SEC14L6: variants seen among roughly 807,000 people sequenced by gnomAD.
The protein encoded by SEC14L6 is SEC14-like protein 6.
In SEC14L6, 40 loss-of-function variants were observed where a neutral mutation model predicts 54.1. The observed-to-expected ratio is 0.74, with a 90% confidence interval of 0.57 to 0.96. The LOEUF (loss-of-function observed/expected upper bound fraction) is 0.96. SEC14L6 is among the 40% of genes least tolerant of loss of function. The pLI is 0.00. For synonymous variants in SEC14L6, 171 were observed against 198.4 expected, an observed-to-expected ratio of 0.86 and a Z score of 1.16; for missense variants, 471 against 498.3, an observed-to-expected ratio of 0.95 and a Z score of 0.52.
chr22:30,539,992 G>A (rs1174447393), intron 1 of SEC14L6, among the ~76,000 whole-genome samples: 1 of 152,224 alleles, frequency 6.6e-6, no homozygotes, highest in Non-Finnish European at 1.5e-5. Flanking sequence ...ACCGGACAAA[G>A]AGTCAGCAGG....
intron 1 of SEC14L6, among the ~76,000 whole-genome samples, chr22:30,545,797 T>C (rs758120375): frequency 1.6e-4 from 25 of 152,084 alleles, no homozygotes; most frequent in Admixed American, 5.9e-4. Context: ...ATTGTTTCTT[T>C]TTAGGTTTTT....
At position 30,524,827 on chromosome 22, in the gene SEC14L6, C is replaced by G. The variant is rs1190734762; in HGVS notation, c.*170G>C. Reference sequence around the variant, plus strand: ...TGTGACCATCGGGCCACCACTAGGACACTGTCCCAGCCGTTCCTGAGGAGT... The same window carrying G: ...TGTGACCATCGGGCCACCACTAGGAGACTGTCCCAGCCGTTCCTGAGGAGT... On this transcript the variant is annotated 3_prime_UTR_variant, in exon 12 of 12. Transcript: ENST00000402034. 3.4e-6 allele frequency: 2 copies of G among 589,774 alleles called. No homozygotes were observed. Among genetic ancestry groups the G allele is most frequent in the Non-Finnish European group, 6.2e-6 (2 of 324,686 alleles). The allele number at this position is 589,774 out of a possible 1,614,324, so 36.5% of individuals were successfully genotyped here. A position where few individuals can be genotyped will look rare whatever the true frequency, so the allele number is the denominator to read the frequency against.
chr22:30,546,479 T>TG, intron 1 of SEC14L6, 150 bp downstream of exon 1: 5 of 619,772 alleles, frequency 8.1e-6, no homozygotes, highest in Non-Finnish European at 1.1e-5. Context: ...TGGTTAGTGC[T>TG]GGTGTAGCCT....
At chr22:30,527,995 T>C (rs181656531) in intron 8 of SEC14L6, among the ~76,000 whole-genome samples, 1 of 152,124 alleles carries the variant, frequency 6.6e-6, no homozygotes, top group Non-Finnish European at 1.5e-5. Context: ...AATATATTTC[T>C]CTGAAAAAGA....
rs139832622 is a variant in SEC14L6 at position 30,529,469 on chromosome 22, CTT to C, written c.520-122_520-121del. 1.6e-3 allele frequency: 1,270 copies of C among 773,124 alleles called. 25 individuals are homozygous for C. The East Asian group carries it at 0.031, about 19-fold the overall frequency. 47.9% of individuals were successfully genotyped at this position (773,124 alleles called of 1,614,324 possible). ...GGCCTCGAATGCCAACCATCCAAGGCTTTGATGCAGACGGCTCCCGATGCCCA... is the reference window on the plus strand; with the variant it reads ...GGCCTCGAATGCCAACCATCCAAGGCTGATGCAGACGGCTCCCGATGCCCA... On this transcript the variant is annotated intron_variant, in intron 6 of 11. Transcript: ENST00000402034.
chr22:30,525,191 C>A (rs1877450026), intron 11 of SEC14L6, 82 bp from the exon 12 acceptor site: 1 of 1,278,466 alleles, frequency 7.8e-7, no homozygotes, highest in Non-Finnish European at 1.1e-6. Context: ...GCGTGGGTAC[C>A]CAGACCAGGG....
intron 8 of SEC14L6, 78 bp downstream of exon 8, chr22:30,529,009 G>T: frequency 4.0e-6 from 5 of 1,255,088 alleles, no homozygotes; most frequent in African/African-American, 1.5e-5. Flanking sequence ...TCGGATGCAG[G>T]AACCATCAGA....
chr22:30,545,604 GT>G (rs2085790477), intron 1 of SEC14L6, among the ~76,000 whole-genome samples: 1 of 152,024 alleles, frequency 6.6e-6, no homozygotes, highest in African/African-American at 2.4e-5. Flanking sequence ...GTCTCCCTAT[GT>G]TGCTAATTTT....
intron 6 of SEC14L6, 49 bp from the exon 7 acceptor site, chr22:30,529,398 T>G (rs1246474845): frequency 6.9e-7 from 1 of 1,450,836 alleles, no homozygotes; most frequent in East Asian, 2.5e-5. Context: ...ACTGTCCCCT[T>G]GCATCCCCTC....
chr22:30,532,408 A>T lies in SEC14L6; in HGVS notation c.423+117T>A, dbSNP rs146928390. On this transcript the variant is annotated intron_variant, in intron 5 of 11. Coordinates refer to ENST00000402034, the MANE Select transcript of SEC14L6 (RefSeq NM_001193336.4). ...GCCTCTCTGAACCTGCATTCACTCC[A>T]CAGTACCAGGAGGAGCCGAGGAGCC... 9.9e-5 allele frequency: 130 copies of T among 1,311,340 alleles called. No homozygotes were observed. In the African/African-American group the frequency reaches 1.8e-3, roughly 19 times the overall value. 81.2% of individuals were successfully genotyped at this position (1,311,340 alleles called of 1,614,324 possible).
chr22:30,545,996 T>C (rs2085794450), intron 1 of SEC14L6, among the ~76,000 whole-genome samples: 3 of 151,746 alleles, frequency 2.0e-5, no homozygotes, highest in African/African-American at 7.3e-5. Flanking sequence ...TGACCTCAAA[T>C]GATCCATCCA....
In SEC14L6 at chr22:30,525,631, C is replaced by G; in HGVS notation, c.891G>C (p.Leu297=). 6.2e-7 allele frequency: 1 copy of G among 1,608,992 alleles called. No homozygotes were observed. Among genetic ancestry groups the G allele is most frequent in the Non-Finnish European group, 8.5e-7 (1 of 1,177,920 alleles). The change falls in exon 10 of 12, where the codon CTG becomes CTC. Residue 297 remains leucine, a synonymous_variant. Transcript: ENST00000402034. ...CCTACCTGAGCACACAGCCCGGGAA[C>G]AGGATCTCGTTCTCCACCTGCAGGG... The part of the protein sequence containing the change: ...GSSLQVENEI[L]FPGCVLRWQF...
Position 30,546,694 on chromosome 22 carries a change from A to C in SEC14L6, c.-12T>G, listed in dbSNP as rs745421224. ...ACTTGTCCACTCATGCTGCCCATGA[A>C]TGGGTCCAGGCTCCACTCTGTGGCT... On this transcript the variant is annotated 5_prime_UTR_variant, in exon 1 of 12. Coordinates refer to ENST00000402034, the MANE Select transcript of SEC14L6 (RefSeq NM_001193336.4). The C allele has an allele frequency of 6.5e-7, 1 of 1,550,116 alleles. No homozygotes were observed. Among genetic ancestry groups the C allele is most frequent in the African/African-American group, 1.4e-5 (1 of 73,126 alleles).
rs6518696 is a variant in SEC14L6 at position 30,525,216 on chromosome 22, T to C, written c.1082-107A>G. 17,450 of 1,324,830 alleles carry C rather than the reference T, an allele frequency of 0.013. 976 individuals carry two copies. In the African/African-American group the frequency reaches 0.15, roughly 11 times the overall value. The allele number at this position is 1,324,830 out of a possible 1,614,324, so 82.1% of individuals were successfully genotyped here. ...CCAGACCAGGGAACCATTGCCACAA[T>C]TGAGAGCCCAGAGCCAGCCTCACAC... On this transcript the variant is annotated intron_variant, in intron 11 of 11. Coordinates refer to ENST00000402034, the MANE Select transcript of SEC14L6 (RefSeq NM_001193336.4).
At chr22:30,527,013 G>A (rs549757519) in intron 8 of SEC14L6, among the ~76,000 whole-genome samples, 2 of 152,176 alleles carry the variant, frequency 1.3e-5, no homozygotes, top group South Asian at 2.1e-4. Flanking sequence ...CAGGAGGATC[G>A]CTAGAGCCCA....
At position 30,529,149 on chromosome 22, in the gene SEC14L6, G is replaced by C. The variant is rs776611803; in HGVS notation, c.602C>G (p.Ala201Gly). 6.4e-5 allele frequency: 99 copies of C among 1,551,088 alleles called. No individual in the cohort carries two copies. Among genetic ancestry groups the C allele is most frequent in the Non-Finnish European group, 8.2e-5 (94 of 1,147,216 alleles). The change falls in exon 8 of 12, where the codon GCC (alanine) becomes GGC (glycine). Residue 201 changes from alanine to glycine, a missense_variant. By Grantham distance (60) the Ala-to-Gly change is moderately conservative. Transcript: ENST00000402034. ...VVRAPKLFAV[A>G]FNLVKSYMSE... is the part of the protein sequence containing the mutation. ...CATGTAAGACTTGACCAGGTTGAAG[G>C]CTACGGCGAATAGCTTGGGGGCTGA...
chr22:30,536,682 C>T (rs913493833), intron 2 of SEC14L6, among the ~76,000 whole-genome samples: 1 of 152,100 alleles, frequency 6.6e-6, no homozygotes, highest in African/African-American at 2.4e-5. Flanking sequence ...TAATACCTAC[C>T]TAATTGGGTT....
intron 3 of SEC14L6, 144 bp from the exon 4 acceptor site, chr22:30,533,000 G>A (rs1246255816): frequency 6.7e-7 from 1 of 1,490,030 alleles, no homozygotes; most frequent in African/African-American, 1.4e-5. Context: ...ACATAGAACT[G>A]GGGGATGGAA....
chr22:30,528,115 A>ATTTTTTTTTT (rs1327201575), intron 8 of SEC14L6, among the ~76,000 whole-genome samples: 1 of 134,436 alleles, frequency 7.4e-6, no homozygotes, highest in African/African-American at 2.9e-5. Flanking sequence ...GAAAACCTAG[A>ATTTTTTTTTT]TTTCTTTTTT....
Sources: gnomAD v4.1 joint callset for allele counts (sites outside exome capture counted in the v4.1 genomes callset) on GRCh38, gnomAD v4.1.1 for gene constraint, MANE v1.5 for transcripts, NCBI Gene and HGNC (gene_info 2026-07-23, HGNC 2026-07-21) for gene names.